The following IGDCC4 variants were observed in gnomAD, a reference collection of about 807,000 sequenced individuals.
IGDCC4 encodes immunoglobulin superfamily DCC subclass member 4.
In IGDCC4, 72 loss-of-function variants were observed where a neutral mutation model predicts 116.6. The ratio of observed to expected loss-of-function variants is 0.62; its 90% confidence interval spans 0.51 to 0.75. The LOEUF (loss-of-function observed/expected upper bound fraction) is 0.75. IGDCC4 is among the 30% of genes least tolerant of loss of function. The pLI is 0.00. For synonymous variants in IGDCC4, 709 were observed against 719.9 expected (o/e 0.98, Z 0.24); for missense variants, 1,501 against 1,662.4 (o/e 0.90, Z 1.69).
At chr15:65,408,260 T>C (rs975416728) in intron 3 of IGDCC4, among the ~76,000 whole-genome samples, 2 of 152,150 alleles carry the variant, frequency 1.3e-5, no homozygotes, top group Non-Finnish European at 2.9e-5. Flanking sequence ...ACTTTCAACA[T>C]GGGGAGATTT....
chr15:65,390,090 T>TG, intron 13 of IGDCC4, 65 bp downstream of exon 13: 3 of 1,417,026 alleles, frequency 2.1e-6, no homozygotes, highest in Non-Finnish European at 2.9e-6. Flanking sequence ...CCTGCTGCCT[T>TG]CCCACCACCA....
chr15:65,394,358 T>A, intron 9 of IGDCC4, 53 bp downstream of exon 9: 2 of 1,607,930 alleles, frequency 1.2e-6, no homozygotes, highest in Non-Finnish European at 8.5e-7. Flanking sequence ...CCCTGACAGC[T>A]CTTCACGTTG....
Position 65,402,477 on chromosome 15 carries a change from G to A in IGDCC4, c.574C>T (p.Leu192Phe), listed in dbSNP as rs764826748. 2 of 1,567,240 alleles carry A rather than the reference G, an allele frequency of 1.3e-6. No individual in the cohort carries two copies. The highest frequency in any genetic ancestry group is 1.7e-6 in the Non-Finnish European group (2 of 1,155,272). ...TLPEEPRLIV[L>F]PNGVLQILDV... ...AGGATCTGAAGGACGCCGTTGGGAA[G>A]CACGATGAGCCTTGGGAAGAGGGGA... The change falls in exon 4 of 20, where the codon CTT (leucine) becomes TTT (phenylalanine). Residue 192 changes from leucine to phenylalanine, a missense_variant. This residue lies in a region of IGDCC4 where 898 missense variants were observed against 978.9 expected (regional missense o/e 0.92). Coordinates refer to ENST00000352385, the MANE Select transcript of IGDCC4 (RefSeq NM_020962.3).
rs76228405 is a variant in IGDCC4, at chr15:65,403,198, A to T, written c.564-711T>A. ...GAACTGGCTAAATTTGTTTGGGTAC[A>T]TTCGCACAATGGAATGTTAGGCAGC... On this transcript the variant is annotated intron_variant, in intron 3 of 19. Transcript: ENST00000352385. 5.6e-3 allele frequency among the ~76,000 whole-genome samples: 847 copies of T among 152,348 alleles called. 6 individuals are homozygous for T. The highest frequency in any genetic ancestry group is 0.02 in the African/African-American group (816 of 41,584).
chr15:65,395,408 C>T, intron 7 of IGDCC4, 150 bp from the exon 8 acceptor site: 3 of 795,262 alleles, frequency 3.8e-6, no homozygotes, highest in Non-Finnish European at 5.6e-6. Flanking sequence ...TAAACTCCCT[C>T]AGCTTCCTGT....
In IGDCC4 at chr15:65,388,581, T is replaced by C. The variant is rs2091483192; in HGVS notation, c.2713A>G (p.Ile905Val). ...AGGCCATGGACCTCAGCACTGAAGA[T>C]GTTTCCTGGGGGTGAGGGAGGCAGG... The part of the protein sequence containing the change: ...QWTLLTTQGN[I>V]FSAEVHGLES... Residue 905 changes from isoleucine (I) to valine (V), a missense_variant, in exon 16 of 20, where the codon ATC becomes GTC. Ile to Val is a conservative substitution (Grantham distance 29, BLOSUM62 3). Around this residue, in one of 3 missense-constraint regions of IGDCC4, gnomAD observed 235 missense variants for 328.0 expected, o/e 0.72. Coordinates refer to ENST00000352385, the MANE Select transcript of IGDCC4 (RefSeq NM_020962.3). The C allele has an allele frequency of 1.2e-6, 2 of 1,613,908 alleles. No individual in the cohort carries two copies. Among genetic ancestry groups the C allele is most frequent in the African/African-American group, 1.3e-5 (1 of 74,910 alleles).
chr15:65,387,807 C>A (rs911468081), intron 16 of IGDCC4, among the ~76,000 whole-genome samples: 1 of 151,814 alleles, frequency 6.6e-6, no homozygotes, highest in African/African-American at 2.4e-5. Flanking sequence ...CCCAAAGAAA[C>A]TGGTCTCTAA....
intron 10 of IGDCC4, among the ~76,000 whole-genome samples, chr15:65,392,957 G>A (rs117633068): frequency 6.6e-6 from 1 of 152,234 alleles, no homozygotes; most frequent in East Asian, 1.9e-4. Context: ...ACCTAGTGTC[G>A]CATAGAGAGC....
chr15:65,410,562 G>C, intron 2 of IGDCC4: 1 of 560,184 alleles, frequency 1.8e-6, no homozygotes, highest in East Asian at 3.1e-5. Flanking sequence ...AAACTATACA[G>C]TAAGATGCAC....
At chr15:65,419,503 T>C (rs572875498) in intron 1 of IGDCC4, among the ~76,000 whole-genome samples, 31 of 152,336 alleles carry the variant, frequency 2.0e-4, no homozygotes, top group African/African-American at 6.0e-4. Flanking sequence ...TGAAAGCACA[T>C]AGAGGATCAA....
In IGDCC4 at chr15:65,410,337, C is replaced by T. The variant is rs1052640980; in HGVS notation, c.422-18G>A. The T allele has an allele frequency of 6.2e-7, 1 of 1,613,624 alleles. No homozygotes were observed. Among genetic ancestry groups the T allele is most frequent in the Non-Finnish European group, 8.5e-7 (1 of 1,179,894 alleles). On this transcript the variant is annotated intron_variant, in intron 2 of 19. Transcript: ENST00000352385. ...TGCGAGTGCTGGGGACAGTGAGACA[C>T]AGGCAGGGACGGGAAAAGAATAGGA...
Position 65,390,144 on chromosome 15 carries a change from TTAGTCCCCACCTGGTG to T in IGDCC4, c.2403_2408+10del. 6.4e-7 allele frequency: 1 copy of T among 1,559,498 alleles called. No individual in the cohort carries two copies. The highest frequency in any genetic ancestry group is 8.8e-7 in the Non-Finnish European group (1 of 1,140,076). On this transcript the variant is annotated splice_donor_variant and splice_donor_5th_base_variant and coding_sequence_variant and intron_variant, in exon 13 of 20. Transcript: ENST00000352385. LOFTEE classifies it high-confidence loss of function. ...TCCCTTCTTTACATTAGTAAAGGCATTAGTCCCCACCTGGTGTAATAGGTGACCAGGGAGGCATTCC... is the reference window on the plus strand; with the variant it reads ...TCCCTTCTTTACATTAGTAAAGGCATTAATAGGTGACCAGGGAGGCATTCC...
rs1416643776 is a variant in IGDCC4, at chr15:65,397,060, A to G, written c.842-71T>C. 10 of 1,519,362 alleles carry G rather than the reference A, an allele frequency of 6.6e-6. No homozygotes were observed. In the South Asian group the frequency reaches 8.5e-5, roughly 13 times the overall value. 94.1% of individuals were successfully genotyped at this position (1,519,362 alleles called of 1,614,324 possible). ...CCCTTCCCTTCAGTCTCCGAACCTC[A>G]GGAACACTCTGCACCCGGATAAAGC... On this transcript the variant is annotated intron_variant, in intron 5 of 19. Coordinates refer to ENST00000352385, the MANE Select transcript of IGDCC4 (RefSeq NM_020962.3).
In IGDCC4 at chr15:65,385,718, C is replaced by G. The variant is rs1404201680; in HGVS notation, c.3180+113G>C. On this transcript the variant is annotated intron_variant, in intron 18 of 19. Transcript: ENST00000352385. Reference sequence around the variant, plus strand: ...GAGGAGGGAGAGAGGCCCTAGCGTCCGCAGCCGGCTCCGAAGAGGAGGTAG... The same window carrying G: ...GAGGAGGGAGAGAGGCCCTAGCGTCGGCAGCCGGCTCCGAAGAGGAGGTAG... 4.4e-6 allele frequency: 4 copies of G among 899,514 alleles called. No homozygotes were observed. In the East Asian group the frequency reaches 9.7e-5, roughly 22 times the overall value. 55.7% of individuals were successfully genotyped at this position (899,514 alleles called of 1,614,324 possible). A position where few individuals can be genotyped will look rare whatever the true frequency, so the allele number is the denominator to read the frequency against.
rs911373961 is a variant in IGDCC4, at chr15:65,396,281, A to T, written c.998-118T>A. The T allele has an allele frequency of 3.7e-6, 4 of 1,077,186 alleles. No homozygotes were observed. In the East Asian group the frequency reaches 1.1e-4, roughly 31 times the overall value. The allele number at this position is 1,077,186 out of a possible 1,614,324, so 66.7% of individuals were successfully genotyped here. On this transcript the variant is annotated intron_variant, in intron 6 of 19. Transcript: ENST00000352385. The stretch of plus-strand genomic sequence containing the variant: ...CCCTCGCTCCCCTTCCAATCACTTT[A>T]ACCTCTCCCTGATTCACCCTTTCCA...
Position 65,396,076 on chromosome 15 carries a change from G to C in IGDCC4, c.1085C>G (p.Pro362Arg), listed in dbSNP as rs950583112. 7.3e-5 allele frequency: 101 copies of C among 1,385,664 alleles called. No homozygotes were observed. The highest frequency in any genetic ancestry group is 9.1e-5 in the Non-Finnish European group (98 of 1,077,572). The allele number at this position is 1,385,664 out of a possible 1,614,324, so 85.8% of individuals were successfully genotyped here. A position where few individuals can be genotyped will look rare whatever the true frequency, so the allele number is the denominator to read the frequency against. Residue 362 changes from proline to arginine, a missense_variant, in exon 7 of 20, where the codon CCG (proline) becomes CGG (arginine). Physicochemically the swap from Pro to Arg is moderately radical, Grantham distance 103 (BLOSUM62 -2). This residue lies in a region of IGDCC4 where 898 missense variants were observed against 978.9 expected (regional missense o/e 0.92). Coordinates refer to ENST00000352385, the MANE Select transcript of IGDCC4 (RefSeq NM_020962.3). ...GTGCAGCCAGCGCAGCGCTGGCCGC[G>C]GCTCCCCCGACGCGCGGCACACGAA... The part of the protein sequence containing the change: ...ARFVCRASGE[P>R]RPALRWLHNG...
At chr15:65,417,238 CA>C (rs2063153032) in intron 1 of IGDCC4, among the ~76,000 whole-genome samples, 1 of 152,108 alleles carries the variant, frequency 6.6e-6, no homozygotes. Context: ...CCTCCCTTAC[CA>C]CATGCTGAGC....
chr15:65,421,056 C>G (rs1252269832), intron 1 of IGDCC4, among the ~76,000 whole-genome samples: 1 of 152,230 alleles, frequency 6.6e-6, no homozygotes. Context: ...CTAGTCATGA[C>G]TCGACTGGAG....
intron 16 of IGDCC4, among the ~76,000 whole-genome samples, chr15:65,387,433 C>G (rs910009317): frequency 7.9e-5 from 12 of 152,168 alleles, no homozygotes; most frequent in African/African-American, 2.7e-4. Flanking sequence ...ACTGCAAGCT[C>G]CTCCTCCCGG....
Sources: gnomAD v4.1 joint callset for allele counts (sites outside exome capture counted in the v4.1 genomes callset) on GRCh38, gnomAD v4.1.1 for gene constraint, gnomAD v4.1.1 regional missense constraint, MANE v1.5 for transcripts, NCBI Gene and HGNC (gene_info 2026-07-23, HGNC 2026-07-21) for gene names.